CDH18: variants seen among roughly 807,000 people sequenced by gnomAD.
CDH18 encodes the protein cadherin 18.
CDH18 carries 31 observed loss-of-function variants against 67.9 expected under a neutral mutation model. The ratio of observed to expected loss-of-function variants is 0.46; its 90% CI spans 0.34 to 0.62. CDH18 has a LOEUF of 0.62. Ranked by LOEUF, CDH18 falls within the 20% of genes least tolerant of loss-of-function variation. CDH18 has a pLI of 0.01. For missense variants in CDH18, 890 were observed against 975.5 expected, an observed-to-expected ratio of 0.91 and a Z score of 1.17; for synonymous variants, 362 against 347.2, an observed-to-expected ratio of 1.04 and a Z score of -0.48.
chr5:19,684,177 T>C (rs1223122459), intron 5 of CDH18, among the ~76,000 whole-genome samples: 2 of 152,086 alleles, frequency 1.3e-5, no homozygotes, highest in Non-Finnish European at 2.9e-5. Context: ...CATAGACAAA[T>C]GTCTACTATT....
chr5:19,498,673 G>A (rs1742736747), intron 11 of CDH18, among the ~76,000 whole-genome samples: 1 of 152,124 alleles, frequency 6.6e-6, no homozygotes, highest in Non-Finnish European at 1.5e-5. Flanking sequence ...GCTGGCTATA[G>A]ATTGCCTCTC....
At chr5:20,376,487 T>C (rs1471281801) in intron 1 of CDH18, among the ~76,000 whole-genome samples, 1 of 151,748 alleles carries the variant, frequency 6.6e-6, no homozygotes, top group Non-Finnish European at 1.5e-5. Flanking sequence ...TTGAATGATG[T>C]TGGGGTTTTG....
chr5:19,750,556 A>G (rs1036150413), intron 3 of CDH18, among the ~76,000 whole-genome samples: 2 of 152,134 alleles, frequency 1.3e-5, no homozygotes, highest in Non-Finnish European at 2.9e-5. Flanking sequence ...CCAGTGAGAC[A>G]TCAAATGAAA....
At chr5:19,953,888 G>T (rs1474069231) in intron 2 of CDH18, among the ~76,000 whole-genome samples, 5 of 151,908 alleles carry the variant, frequency 3.3e-5, no homozygotes, top group Admixed American at 1.3e-4. Context: ...AAAGAAAAAA[G>T]ATTTAATTAA....
intron 2 of CDH18, among the ~76,000 whole-genome samples, chr5:19,905,137 G>A (rs1432679238): frequency 1.3e-5 from 2 of 152,104 alleles, no homozygotes; most frequent in Non-Finnish European, 2.9e-5. Flanking sequence ...GAAAAATGAA[G>A]TTCAAGCATT....
chr5:19,473,466 A>C lies in CDH18; in HGVS notation c.2133T>G (p.Asp711Glu). 6.2e-7 allele frequency: 1 copy of C among 1,613,696 alleles called. No homozygotes were observed. ...HQTSSTLESI[D>E]VQEFIKQRLA... is the part of the protein sequence containing the mutation. ...GTCTTTGCTTAATAAATTCCTGAAC[A>C]TCTATGCTTTCCAGGGTGGATGATG... Residue 711 changes from aspartate to glutamate, a missense_variant, in exon 13 of 13, where the codon GAT becomes GAG. Transcript: ENST00000382275.
intron 11 of CDH18, 37 bp from the exon 12 acceptor site, chr5:19,483,589 C>A: frequency 6.5e-7 from 1 of 1,540,318 alleles, no homozygotes; most frequent in South Asian, 1.3e-5. Flanking sequence ...TACACTTAGT[C>A]AAGCCGCCAT....
intron 2 of CDH18, among the ~76,000 whole-genome samples, chr5:20,247,134 C>G (rs1163424147): frequency 1.3e-5 from 2 of 152,124 alleles, no homozygotes; most frequent in Non-Finnish European, 2.9e-5. Flanking sequence ...ATCCTATAAA[C>G]CAGTTCATGC....
At chr5:20,553,740 C>G (rs1757764022) in intron 1 of CDH18, among the ~76,000 whole-genome samples, 1 of 152,064 alleles carries the variant, frequency 6.6e-6, no homozygotes, top group African/African-American at 2.4e-5. Flanking sequence ...TAAGACTGAA[C>G]AACATTCTTC....
At chr5:20,004,004 A>G (rs1469314810) in intron 2 of CDH18, among the ~76,000 whole-genome samples, 1 of 152,216 alleles carries the variant, frequency 6.6e-6, no homozygotes, top group Non-Finnish European at 1.5e-5. Flanking sequence ...TGCATCTAAT[A>G]TATCGTTTTT....
chr5:19,949,371 C>A (rs191119293), intron 2 of CDH18, among the ~76,000 whole-genome samples: 10 of 152,206 alleles, frequency 6.6e-5, no homozygotes, highest in Middle Eastern at 3.4e-3. Flanking sequence ...CATAATATTT[C>A]ATGTAGAGGC....
chr5:19,920,246 A>G (rs2150163905), intron 2 of CDH18, among the ~76,000 whole-genome samples: 1 of 152,346 alleles, frequency 6.6e-6, no homozygotes, highest in South Asian at 2.1e-4. Flanking sequence ...TAGACATTAG[A>G]AATTAATAAG....
intron 2 of CDH18, among the ~76,000 whole-genome samples, chr5:19,877,631 T>C (rs1027112423): frequency 6.6e-6 from 1 of 152,060 alleles, no homozygotes; most frequent in Non-Finnish European, 1.5e-5. Context: ...ATTGAAAAAA[T>C]AGAACTGGTC....
intron 2 of CDH18, among the ~76,000 whole-genome samples, chr5:20,113,103 G>C (rs1747616922): frequency 6.6e-6 from 1 of 152,076 alleles, no homozygotes; most frequent in African/African-American, 2.4e-5. Context: ...CTACTAATAG[G>C]CAAGTGATAT....
chr5:20,088,523 A>AT (rs1745162882), intron 2 of CDH18, among the ~76,000 whole-genome samples: 1 of 152,050 alleles, frequency 6.6e-6, no homozygotes, highest in Non-Finnish European at 1.5e-5. Context: ...GGTCCTGGAG[A>AT]TTTCTGGCAG....
intron 2 of CDH18, among the ~76,000 whole-genome samples, chr5:20,110,092 C>T (rs1039740681): frequency 6.6e-6 from 1 of 152,190 alleles, no homozygotes; most frequent in African/African-American, 2.4e-5. Context: ...TTACCCTCTA[C>T]ATGCCTTTGA....
At chr5:19,505,134 G>A (rs1423865224) in intron 10 of CDH18, among the ~76,000 whole-genome samples, 2 of 151,972 alleles carry the variant, frequency 1.3e-5, no homozygotes, top group Admixed American at 6.6e-5. Context: ...TTTTTTAAGA[G>A]AGAAACTCCT....
chr5:20,539,613 T>A (rs1170141025), intron 1 of CDH18, among the ~76,000 whole-genome samples: 4 of 152,062 alleles, frequency 2.6e-5, no homozygotes, highest in African/African-American at 7.2e-5. Flanking sequence ...GTACATTTTT[T>A]TAAAAAGTCT....
At chr5:20,130,081 A>ATTATTATTG (rs1397287852) in intron 2 of CDH18, among the ~76,000 whole-genome samples, 6 of 148,710 alleles carry the variant, frequency 4.0e-5, no homozygotes, top group South Asian at 4.2e-4. Context: ...TATTGTTATT[A>ATTATTATTG]TTATTATTAT....
Sources: allele counts gnomAD v4.1 joint callset (sites outside exome capture counted in the v4.1 genomes callset), GRCh38; gene constraint gnomAD v4.1.1; transcripts MANE v1.5; gene names NCBI Gene and HGNC (gene_info 2026-07-23, HGNC 2026-07-21).